Variants in OCA2 observed in about 807,000 individuals in gnomAD.
OCA2 encodes OCA2 melanosomal transmembrane protein.
In OCA2, 77 loss-of-function variants were observed where a neutral mutation model predicts 100.2. The ratio of observed to expected loss-of-function variants is 0.77; its 90% CI spans 0.64 to 0.93. OCA2 has a LOEUF of 0.93. OCA2 is among the 40% of genes least tolerant of loss of function. OCA2 has a pLI of 0.00. For missense variants in OCA2, 1,062 were observed against 1,089.1 expected (o/e 0.98, Z 0.35); for synonymous variants, 432 against 439.2 (o/e 0.98, Z 0.21).
chr15:28,078,240 A>G (rs1034135031), intron 2 of OCA2, among the ~76,000 whole-genome samples: 1 of 152,214 alleles, frequency 6.6e-6, no homozygotes, highest in Non-Finnish European at 1.5e-5. Context: ...CTTCCTATAA[A>G]AGACACCAAT....
intron 19 of OCA2, among the ~76,000 whole-genome samples, chr15:27,909,376 C>A (rs2038299606): frequency 6.6e-6 from 1 of 151,986 alleles, no homozygotes; most frequent in South Asian, 2.1e-4. Context: ...TGTCAGCAAG[C>A]TATTTCATAA....
At chr15:28,073,847 G>C (rs1457177422) in intron 2 of OCA2, among the ~76,000 whole-genome samples, 1 of 152,142 alleles carries the variant, frequency 6.6e-6, no homozygotes, top group Non-Finnish European at 1.5e-5. Flanking sequence ...ACAGATCAGT[G>C]ATTTCCAGGG....
At chr15:28,042,603 G>A (rs1046577876) in intron 2 of OCA2, among the ~76,000 whole-genome samples, 4 of 151,730 alleles carry the variant, frequency 2.6e-5, no homozygotes, top group East Asian at 1.9e-4. Flanking sequence ...TTGCACCACC[G>A]CACTCCAGCC....
At chr15:27,922,110 G>A (rs1391074067) in intron 19 of OCA2, among the ~76,000 whole-genome samples, 1 of 152,184 alleles carries the variant, frequency 6.6e-6, no homozygotes, top group Non-Finnish European at 1.5e-5. Flanking sequence ...TCATCTGTCA[G>A]AAATAGTAGG....
chr15:27,952,378 T>G (rs2040062688), intron 17 of OCA2, among the ~76,000 whole-genome samples: 1 of 152,116 alleles, frequency 6.6e-6, no homozygotes, highest in South Asian at 2.1e-4. Context: ...ATCCACCTGG[T>G]CATAGGGGGA....
chr15:27,941,352 C>A lies in OCA2; in HGVS notation c.1951+10432G>T, dbSNP rs1028980127. Among the ~76,000 whole-genome samples the A allele has an allele frequency of 1.1e-4, 16 of 152,146 alleles. 1 individual carries two copies. The highest frequency in any genetic ancestry group is 4.1e-4 in the South Asian group (2 of 4,822). On this transcript the variant is annotated intron_variant, in intron 18 of 23. Coordinates refer to ENST00000354638, the MANE Select transcript of OCA2 (RefSeq NM_000275.3). ...AGAGACCACTAACATTTCTGAAAAT[C>A]CACAGTTTAAAAGCTAATGTGGTAC...
At chr15:27,986,458 C>A in intron 12 of OCA2, 129 bp downstream of exon 12, 1 of 719,722 alleles carries the variant, frequency 1.4e-6, no homozygotes, top group Non-Finnish European at 2.4e-6. Flanking sequence ...CCTGCAGAAG[C>A]AACCTTTAAA....
At chr15:28,024,755 C>A in intron 5 of OCA2, 90 bp downstream of exon 5, 1 of 1,351,364 alleles carries the variant, frequency 7.4e-7, no homozygotes, top group Non-Finnish European at 1.1e-6. Context: ...GCACTGAGCC[C>A]CACACCTCAG....
intron 9 of OCA2, among the ~76,000 whole-genome samples, chr15:28,000,251 T>C (rs1477849589): frequency 6.6e-6 from 1 of 152,158 alleles, no homozygotes; most frequent in Non-Finnish European, 1.5e-5. Context: ...ATGACTGGCA[T>C]ACAAAGAGAT....
chr15:27,933,474 G>C (rs2039333511), intron 18 of OCA2, among the ~76,000 whole-genome samples: 1 of 152,294 alleles, frequency 6.6e-6, no homozygotes, highest in East Asian at 1.9e-4. Context: ...TGTCACGCGT[G>C]TCCGTATGAA....
At chr15:27,890,791 G>C (rs1254175258) in intron 19 of OCA2, among the ~76,000 whole-genome samples, 1 of 152,110 alleles carries the variant, frequency 6.6e-6, no homozygotes, top group Non-Finnish European at 1.5e-5. Flanking sequence ...ACTTTGGGAG[G>C]CCGAGGCAGG....
At chr15:27,820,034 G>GC (rs1555411196) in intron 23 of OCA2, among the ~76,000 whole-genome samples, 1 of 152,112 alleles carries the variant, frequency 6.6e-6, no homozygotes, top group Non-Finnish European at 1.5e-5. Flanking sequence ...AATGGAGAGC[G>GC]CTCCCAATGG....
chr15:27,931,143 G>A (rs1029579021), intron 18 of OCA2, among the ~76,000 whole-genome samples: 13 of 151,862 alleles, frequency 8.6e-5, no homozygotes, highest in Non-Finnish European at 1.9e-4. Flanking sequence ...TTGCAACTAG[G>A]AGAAACAGAA....
At chr15:27,922,183 G>C (rs180965535) in intron 19 of OCA2, among the ~76,000 whole-genome samples, 1 of 152,338 alleles carries the variant, frequency 6.6e-6, no homozygotes, top group East Asian at 1.9e-4. Flanking sequence ...CTCCTGTAAT[G>C]TTACGACCTT....
intron 2 of OCA2, among the ~76,000 whole-genome samples, chr15:28,069,928 C>A (rs1347954431): frequency 8.1e-6 from 1 of 123,748 alleles, no homozygotes; most frequent in African/African-American, 5.1e-5. Flanking sequence ...AGCATCTCCG[C>A]CCGGCCGCCA....
intron 19 of OCA2, chr15:27,896,383 T>C: frequency 1.3e-6 from 1 of 745,488 alleles, no homozygotes; most frequent in Admixed American, 1.7e-5. Context: ...AAGAACAGTG[T>C]AACTCCAGAC....
intron 18 of OCA2, among the ~76,000 whole-genome samples, chr15:27,948,897 C>G (rs2039936052): frequency 6.6e-6 from 1 of 152,112 alleles, no homozygotes; most frequent in African/African-American, 2.4e-5. Context: ...AACACAAAAC[C>G]ATAGTGATGG....
At chr15:28,093,080 G>A (rs1184789849) in intron 1 of OCA2, among the ~76,000 whole-genome samples, 1 of 152,100 alleles carries the variant, frequency 6.6e-6, no homozygotes, top group East Asian at 1.9e-4. Flanking sequence ...ATTCAAGATC[G>A]TGAGCCATTA....
chr15:27,969,007 T>C (rs958697268), intron 14 of OCA2, among the ~76,000 whole-genome samples: 12 of 150,144 alleles, frequency 8.0e-5, no homozygotes, highest in Non-Finnish European at 1.5e-4. Context: ...AAAAAGGAAC[T>C]GTTGCGTCAG....
Sources: allele counts gnomAD v4.1 joint callset (sites outside exome capture counted in the v4.1 genomes callset), GRCh38; gene constraint gnomAD v4.1.1; transcripts MANE v1.5; gene names NCBI Gene and HGNC (gene_info 2026-07-23, HGNC 2026-07-21).